DLG2: variants seen among roughly 807,000 people sequenced by gnomAD.
DLG2 encodes disks large homolog 2.
DLG2 carries 45 observed loss-of-function variants against 132.5 expected under a neutral mutation model. That is an observed-to-expected ratio of 0.34 (90% CI 0.27 to 0.44). The LOEUF (loss-of-function observed/expected upper bound fraction) is 0.44. Ranked by LOEUF, DLG2 falls within the 20% of genes least tolerant of loss-of-function variation. The pLI, the probability that DLG2 is intolerant of heterozygous loss-of-function variation, is 1.00. For missense variants in DLG2, 1,045 were observed against 1,196.9 expected, an observed-to-expected ratio of 0.87 and a Z score of 1.87; for synonymous variants, 424 against 419.6, an observed-to-expected ratio of 1.01 and a Z score of -0.13.
At chr11:84,313,640 AAAAAGAAAG>A (rs1567260468) in intron 7 of DLG2, among the ~76,000 whole-genome samples, 2 of 120,970 alleles carry the variant, frequency 1.7e-5, no homozygotes, top group African/African-American at 6.2e-5. Context: ...GGAAAGAGAG[AAAAAGAAAG>A]AAAGAAAGAA....
At position 85,477,051 on chromosome 11, in the gene DLG2, C is replaced by A. The variant is rs140476245; in HGVS notation, c.40+121606G>T. Among the ~76,000 whole-genome samples the A allele has an allele frequency of 9.8e-4, 149 of 152,270 alleles. 1 individual carries two copies. Among genetic ancestry groups the A allele is most frequent in the Non-Finnish European group, 1.7e-3 (119 of 68,004 alleles). ...ACAAGAGTAATGCACTGCTCTACAA[C>A]TTTAGGAAGGCTACAAATGCACTAG... On this transcript the variant is annotated intron_variant, in intron 3 of 27. Transcript: ENST00000376104.
intron 7 of DLG2, among the ~76,000 whole-genome samples, chr11:84,505,553 C>A (rs2099236668): frequency 6.6e-6 from 1 of 152,154 alleles, no homozygotes; most frequent in Non-Finnish European, 1.5e-5. Flanking sequence ...GTTTAAATGT[C>A]TCTCAACAAC....
intron 15 of DLG2, among the ~76,000 whole-genome samples, chr11:83,918,633 T>A (rs959784050): frequency 6.6e-6 from 1 of 152,052 alleles, no homozygotes; most frequent in African/African-American, 2.4e-5. Context: ...GGCTCCAGTA[T>A]GAAAATCAGG....
At chr11:84,379,560 G>A (rs1457566331) in intron 7 of DLG2, among the ~76,000 whole-genome samples, 4 of 151,978 alleles carry the variant, frequency 2.6e-5, no homozygotes, top group Non-Finnish European at 5.9e-5. Context: ...AGTGATTCAA[G>A]ATGTAGAAAC....
At chr11:84,749,567 T>C (rs891109509) in intron 6 of DLG2, among the ~76,000 whole-genome samples, 23 of 152,158 alleles carry the variant, frequency 1.5e-4, no homozygotes, top group African/African-American at 5.6e-4. Context: ...CAGTGGGTCA[T>C]ACCATGTAGC....
At chr11:85,020,935 A>T in intron 6 of DLG2, 1 of 772,952 alleles carries the variant, frequency 1.3e-6, no homozygotes. Flanking sequence ...CCGCCCTCAG[A>T]CTCCAACTTC....
At chr11:83,872,093 G>A (rs919002877) in intron 16 of DLG2, among the ~76,000 whole-genome samples, 5 of 152,154 alleles carry the variant, frequency 3.3e-5, no homozygotes, top group African/African-American at 7.2e-5. Context: ...GTGAAACCCC[G>A]TCTCTACTAA....
intron 8 of DLG2, among the ~76,000 whole-genome samples, chr11:84,235,336 G>C (rs1340316647): frequency 1.3e-5 from 2 of 152,192 alleles, no homozygotes. Flanking sequence ...AGGGCCGTAG[G>C]TTTCATATTT....
At chr11:84,579,976 A>G (rs1229545993) in intron 6 of DLG2, among the ~76,000 whole-genome samples, 2 of 152,202 alleles carry the variant, frequency 1.3e-5, no homozygotes, top group Non-Finnish European at 2.9e-5. Context: ...GGTGCCACTC[A>G]CCATGAAAGT....
chr11:83,928,369 T>C (rs1435187433), intron 15 of DLG2, among the ~76,000 whole-genome samples: 1 of 152,054 alleles, frequency 6.6e-6, no homozygotes, highest in Non-Finnish European at 1.5e-5. Context: ...ATCTGGCAGG[T>C]GCACATAGAG....
At chr11:84,980,482 C>A (rs1227309779) in intron 6 of DLG2, among the ~76,000 whole-genome samples, 1 of 152,084 alleles carries the variant, frequency 6.6e-6, no homozygotes, top group Non-Finnish European at 1.5e-5. Context: ...CTCATCACTG[C>A]CATTCACTTA....
chr11:84,938,770 G>A (rs1322992491), intron 6 of DLG2, among the ~76,000 whole-genome samples: 2 of 152,134 alleles, frequency 1.3e-5, no homozygotes, highest in Non-Finnish European at 2.9e-5. Flanking sequence ...GTCTAACTGT[G>A]AGTACACAGG....
At chr11:83,515,850 A>G (rs1039680068) in intron 21 of DLG2, among the ~76,000 whole-genome samples, 1 of 152,174 alleles carries the variant, frequency 6.6e-6, no homozygotes, top group Non-Finnish European at 1.5e-5. Context: ...TGAGTTTCTT[A>G]ATCCTGAGTT....
Position 85,053,250 on chromosome 11 carries a change from G to A in DLG2, c.357+58411C>T, listed in dbSNP as rs142614715. Among the ~76,000 whole-genome samples, 213 of 152,196 alleles carry A rather than the reference G, an allele frequency of 1.4e-3. 1 individual carries two copies. Among genetic ancestry groups the A allele is most frequent in the African/African-American group, 5.0e-3 (209 of 41,550 alleles). Reference sequence around the variant, plus strand: ...TGATTTCCATAAAGGTTGATGAGGTGCCATCTGCTTTAGGAGGAAAAAAAC... The same window carrying A: ...TGATTTCCATAAAGGTTGATGAGGTACCATCTGCTTTAGGAGGAAAAAAAC... On this transcript the variant is annotated intron_variant, in intron 6 of 27. Coordinates refer to ENST00000376104, the MANE Select transcript of DLG2 (RefSeq NM_001142699.3).
intron 18 of DLG2, among the ~76,000 whole-genome samples, chr11:83,665,716 G>A (rs537640809): frequency 5.1e-4 from 77 of 152,172 alleles, no homozygotes; most frequent in African/African-American, 1.7e-3. Context: ...CAGATCAGAC[G>A]TGCCCCTTGT....
At chr11:83,850,160 G>GTGTGTGTGTGTGTGTGTGTGTGTT (rs1452960432) in intron 16 of DLG2, among the ~76,000 whole-genome samples, 2 of 124,304 alleles carry the variant, frequency 1.6e-5, no homozygotes, top group African/African-American at 3.6e-5. Flanking sequence ...GTGTGTGTGT[G>GTGTGTGTGTGTGTGTGTGTGTGTT]TTTTTTTACT....
chr11:85,200,019 T>G (rs1050867233), intron 4 of DLG2, among the ~76,000 whole-genome samples: 10 of 151,264 alleles, frequency 6.6e-5, no homozygotes, highest in African/African-American at 2.4e-4. Flanking sequence ...CATGCTCATT[T>G]CCCCCACAAC....
At chr11:85,492,333 T>C (rs991905434) in intron 3 of DLG2, among the ~76,000 whole-genome samples, 1 of 152,208 alleles carries the variant, frequency 6.6e-6, no homozygotes, top group African/African-American at 2.4e-5. Flanking sequence ...CAAAAAATTG[T>C]AATTGCTATT....
chr11:84,138,820 A>G (rs1236034291), intron 9 of DLG2, among the ~76,000 whole-genome samples: 1 of 151,982 alleles, frequency 6.6e-6, no homozygotes, highest in Non-Finnish European at 1.5e-5. Context: ...GTGGTGGCAC[A>G]TGCCTGTAAT....
Sources: gnomAD v4.1 joint callset for allele counts (sites outside exome capture counted in the v4.1 genomes callset) on GRCh38, gnomAD v4.1.1 for gene constraint, MANE v1.5 for transcripts, NCBI Gene and HGNC (gene_info 2026-07-23, HGNC 2026-07-21) for gene names.